The following EFR3A variants were observed in gnomAD, a reference collection of about 807,000 sequenced individuals.
EFR3A encodes protein EFR3 homolog A.
A neutral mutation model predicts 104.4 loss-of-function variants in EFR3A; 76 were observed. The observed-to-expected ratio is 0.73, with a 90% CI of 0.60 to 0.88. The LOEUF is 0.88. Among genes scored for constraint, EFR3A ranks in the 40% least tolerant of loss-of-function variants. The pLI is 0.00. For missense variants in EFR3A, 985 were observed against 1,012.5 expected (o/e 0.97, Z 0.37); for synonymous variants, 330 against 330.0 (o/e 1.00, Z 0.00).
At position 131,969,114 on chromosome 8, in the gene EFR3A, A is replaced by G. The variant is rs140910518; in HGVS notation, c.991+684A>G. The stretch of plus-strand genomic sequence containing the variant: ...TTGCATGGAAGCAGTAGGAATGACA[A>G]TGTCAAGTTGATAGGATTTGATAAT... On this transcript the variant is annotated intron_variant, in intron 9 of 22. Transcript: ENST00000254624. Among the ~76,000 whole-genome samples, 164 of 152,312 alleles carry G rather than the reference A, an allele frequency of 1.1e-3. No individual in the cohort carries two copies. In the Middle Eastern group the frequency reaches 0.014, roughly 13 times the overall value.
chr8:131,954,944 C>T (rs16904558), intron 6 of EFR3A, among the ~76,000 whole-genome samples: 6,268 of 152,084 alleles, frequency 0.041, 310 homozygotes, highest in East Asian at 0.12. Context: ...ATGCTTAATT[C>T]CTTAGATGTG....
At chr8:131,916,739 C>T (rs142714082) in intron 1 of EFR3A, among the ~76,000 whole-genome samples, 139 of 152,292 alleles carry the variant, frequency 9.1e-4, no homozygotes, top group African/African-American at 3.2e-3. Flanking sequence ...ACTCAAATGA[C>T]TCACACTTAT....
intron 7 of EFR3A, among the ~76,000 whole-genome samples, chr8:131,959,078 A>G (rs1819171495): frequency 1.3e-5 from 2 of 152,182 alleles, no homozygotes; most frequent in Admixed American, 1.3e-4. Context: ...GGTTGATAAT[A>G]TATGCCTAGC....
At chr8:131,950,927 T>C (rs1818670020) in intron 5 of EFR3A, among the ~76,000 whole-genome samples, 1 of 152,104 alleles carries the variant, frequency 6.6e-6, no homozygotes, top group Non-Finnish European at 1.5e-5. Context: ...AATGAGAAAC[T>C]TTAAAGTTAA....
intron 1 of EFR3A, among the ~76,000 whole-genome samples, chr8:131,929,549 A>G (rs1817480984): frequency 6.6e-6 from 1 of 152,110 alleles, no homozygotes; most frequent in African/African-American, 2.4e-5. Flanking sequence ...GATAGTTGTT[A>G]TCACAGAGAT....
chr8:131,931,902 A>C (rs996927825), intron 1 of EFR3A, among the ~76,000 whole-genome samples: 1 of 151,962 alleles, frequency 6.6e-6, no homozygotes, highest in Admixed American at 6.6e-5. Flanking sequence ...GACATGTTCC[A>C]ATACGCAGGA....
intron 1 of EFR3A, among the ~76,000 whole-genome samples, chr8:131,936,381 G>T (rs1051832350): frequency 6.6e-6 from 1 of 152,098 alleles, no homozygotes; most frequent in African/African-American, 2.4e-5. Context: ...TTCCCCAGCT[G>T]GGTGTCCTCT....
chr8:131,968,200 G>A (rs2130693031), intron 8 of EFR3A, 95 bp from the exon 9 acceptor site: 1 of 1,169,504 alleles, frequency 8.6e-7, no homozygotes, highest in South Asian at 1.6e-5. Flanking sequence ...GTCACTAATT[G>A]GTCATTTACG....
At position 131,955,891 on chromosome 8, in the gene EFR3A, T is replaced by C. The variant is rs1436707698; in HGVS notation, c.762T>C (p.Val254=). 1 of 1,613,038 alleles carries C rather than the reference T, an allele frequency of 6.2e-7. No individual in the cohort carries two copies. Among genetic ancestry groups the C allele is most frequent in the Non-Finnish European group, 8.5e-7 (1 of 1,179,364 alleles). The change falls in exon 7 of 23, where the codon GTT becomes GTC. Residue 254 remains valine, a synonymous_variant. Coordinates refer to ENST00000254624, the MANE Select transcript of EFR3A (RefSeq NM_015137.6). The stretch of plus-strand genomic sequence containing the variant: ...CTTTTGGGAATATGAATAATGCTGT[T>C]AGACCAGTTTTTGCGTAAGTAGTTG... ...RATFGNMNNA[V]RPVFAHLDHH...
At chr8:131,908,998 A>G (rs1281715572) in intron 1 of EFR3A, among the ~76,000 whole-genome samples, 1 of 152,174 alleles carries the variant, frequency 6.6e-6, no homozygotes. Flanking sequence ...GAACATTTCA[A>G]ATCCTCTCTT....
chr8:131,907,465 T>G (rs1197900099), intron 1 of EFR3A, among the ~76,000 whole-genome samples: 1 of 152,262 alleles, frequency 6.6e-6, no homozygotes, highest in African/African-American at 2.4e-5. Flanking sequence ...AACTATACTT[T>G]GAGTAATTAT....
chr8:131,963,786 C>T (rs199796848), intron 8 of EFR3A, among the ~76,000 whole-genome samples: 12 of 150,992 alleles, frequency 7.9e-5, no homozygotes, highest in Admixed American at 1.3e-4. Flanking sequence ...AATTTTAGAC[C>T]AATATCCCTG....
chr8:131,959,171 A>G (rs1819177806), intron 7 of EFR3A, among the ~76,000 whole-genome samples: 1 of 152,172 alleles, frequency 6.6e-6, no homozygotes, highest in Non-Finnish European at 1.5e-5. Context: ...TAATTTTGAT[A>G]CAGTAGGTGA....
intron 1 of EFR3A, among the ~76,000 whole-genome samples, chr8:131,915,630 T>G (rs192353897): frequency 6.6e-6 from 1 of 152,288 alleles, no homozygotes; most frequent in East Asian, 1.9e-4. Context: ...CACCTCTGAT[T>G]GGGAGAAGAG....
chr8:131,979,111 T>C, intron 13 of EFR3A, 92 bp downstream of exon 13: 1 of 1,293,624 alleles, frequency 7.7e-7, no homozygotes, highest in South Asian at 1.6e-5. Context: ...AAATCTAGCA[T>C]GTTCAGGTTT....
At position 131,953,900 on chromosome 8, in the gene EFR3A, C is replaced by A. The variant is rs748529555; in HGVS notation, c.571C>A (p.Pro191Thr). ...NDELRATIWEPQHMDKIVPSL... is the reference protein window; with the variant it reads ...NDELRATIWETQHMDKIVPSL... ...TGAACTTCGGGCCACCATTTGGGAA[C>A]CTCAGCATATGGATAAGATTGTTCC... is the stretch of plus-strand genomic sequence containing the variant. The change falls in exon 6 of 23, where the codon CCT becomes ACT. Residue 191 changes from proline (P) to threonine (T), a missense_variant. By Grantham distance (38) the Pro-to-Thr change is conservative. Coordinates refer to ENST00000254624, the MANE Select transcript of EFR3A (RefSeq NM_015137.6). 6 of 1,575,208 alleles carry A rather than the reference C, an allele frequency of 3.8e-6. No homozygotes were observed. Among genetic ancestry groups the A allele is most frequent in the African/African-American group, 1.4e-5 (1 of 74,028 alleles).
At chr8:131,937,427 C>G (rs1051090618) in intron 1 of EFR3A, among the ~76,000 whole-genome samples, 1 of 152,122 alleles carries the variant, frequency 6.6e-6, no homozygotes, top group Non-Finnish European at 1.5e-5. Context: ...AATATTCAGC[C>G]TGGCACTTTT....
chr8:131,957,064 C>T (rs911580612), intron 7 of EFR3A, among the ~76,000 whole-genome samples: 6 of 151,910 alleles, frequency 3.9e-5, no homozygotes, highest in African/African-American at 1.5e-4. Flanking sequence ...ATATTCTTTT[C>T]TACATAGAAC....
intron 22 of EFR3A, among the ~76,000 whole-genome samples, chr8:132,004,499 A>G (rs1477221318): frequency 6.6e-6 from 1 of 152,182 alleles, no homozygotes; most frequent in Non-Finnish European, 1.5e-5. Flanking sequence ...TTCATCCTGA[A>G]ATCATCCCCC....
Sources: allele counts gnomAD v4.1 joint callset (sites outside exome capture counted in the v4.1 genomes callset), GRCh38; gene constraint gnomAD v4.1.1; transcripts MANE v1.5; gene names NCBI Gene and HGNC (gene_info 2026-07-23, HGNC 2026-07-21).